Variants in SLC44A5 observed in about 807,000 individuals in gnomAD.
The protein encoded by SLC44A5 is choline transporter-like protein 5.
SLC44A5 carries 57 observed loss-of-function variants against 101.8 expected under a neutral mutation model. That is an observed-to-expected ratio of 0.56 (90% confidence interval 0.45 to 0.70). SLC44A5 has a LOEUF of 0.70. Among genes scored for constraint, SLC44A5 ranks in the 30% least tolerant of loss-of-function variants. SLC44A5 has a pLI of 0.00. For missense variants in SLC44A5, 737 were observed against 853.1 expected (o/e 0.86, Z 1.70); for synonymous variants, 281 against 290.9 (o/e 0.97, Z 0.35).
chr1:75,313,784 C>T (rs955528833), intron 4 of SLC44A5, among the ~76,000 whole-genome samples: 2 of 152,030 alleles, frequency 1.3e-5, no homozygotes, highest in African/African-American at 4.8e-5. Context: ...AGCAGTAGGG[C>T]TCCTGATGAA....
intron 17 of SLC44A5, 140 bp from the exon 18 acceptor site, chr1:75,218,100 G>A: frequency 1.6e-6 from 1 of 644,564 alleles, no homozygotes; most frequent in South Asian, 2.0e-5. Context: ...TATTTAGATT[G>A]ATAAAAGTCT....
At chr1:75,659,468 G>A in the SLC44A5 span, among the ~76,000 whole-genome samples, 2 of 59,718 alleles carry the variant, frequency 3.3e-5, no homozygotes, top group Non-Finnish European at 7.3e-5. Context: ...AAGGAAGGAA[G>A]GAAGGAAGGA....
At chr1:75,482,761 T>C (rs1667944781) in intron 2 of SLC44A5, among the ~76,000 whole-genome samples, 1 of 152,192 alleles carries the variant, frequency 6.6e-6, no homozygotes, top group Non-Finnish European at 1.5e-5. Context: ...GCAAAGCCTC[T>C]GTCCTTAAGA....
intron 4 of SLC44A5, among the ~76,000 whole-genome samples, chr1:75,306,602 G>C (rs1570630496): frequency 6.6e-6 from 1 of 151,864 alleles, no homozygotes; most frequent in African/African-American, 2.4e-5. Context: ...GGTAATAAGA[G>C]AGTTTTGTTT....
chr1:75,531,982 A>G (rs1670746707), intron 2 of SLC44A5, among the ~76,000 whole-genome samples: 1 of 152,190 alleles, frequency 6.6e-6, no homozygotes, highest in African/African-American at 2.4e-5. Flanking sequence ...TAATTCCCAA[A>G]GTGTGTTGCC....
chr1:75,362,045 T>C (rs1386178358), intron 3 of SLC44A5, among the ~76,000 whole-genome samples: 1 of 152,072 alleles, frequency 6.6e-6, no homozygotes, highest in Non-Finnish European at 1.5e-5. Context: ...TGGTAGATTG[T>C]ATGTGTCTAG....
chr1:75,385,767 T>A (rs566031406), intron 3 of SLC44A5, among the ~76,000 whole-genome samples: 279 of 152,188 alleles, frequency 1.8e-3, no homozygotes, highest in African/African-American at 6.0e-3. Context: ...AAAGAGAATT[T>A]TAGACCAATA....
the SLC44A5 span, among the ~76,000 whole-genome samples, chr1:75,645,247 T>G: frequency 1.3e-5 from 2 of 152,162 alleles, no homozygotes; most frequent in Admixed American, 6.5e-5. Flanking sequence ...CCACCAACAG[T>G]GTAAAAGTGT....
intron 9 of SLC44A5, among the ~76,000 whole-genome samples, chr1:75,241,152 T>A (rs909158825): frequency 1.3e-5 from 2 of 152,040 alleles, no homozygotes; most frequent in Non-Finnish European, 2.9e-5. Flanking sequence ...GACATTTTAA[T>A]GTAAAGCTTT....
In SLC44A5 at chr1:75,219,298, C is replaced by G. The variant is rs1339116475; in HGVS notation, c.1225G>C (p.Gly409Arg). The stretch of plus-strand genomic sequence containing the variant: ...TGATTTTCATGTATACAATGCCCCC[C>G]TGGAGCTATGACTTTGTATACAGGT... ...GVPVYKVIAPGGHCIHENQTC... is the reference protein window; with the variant it reads ...GVPVYKVIAPRGHCIHENQTC... Residue 409 changes from glycine to arginine, a missense_variant, in exon 16 of 24, where the codon GGG becomes CGG. Coordinates refer to ENST00000370859, the MANE Select transcript of SLC44A5 (RefSeq NM_001130058.2). The G allele has an allele frequency of 6.2e-7, 1 of 1,613,476 alleles. No homozygotes were observed. Among genetic ancestry groups the G allele is most frequent in the Admixed American group, 1.7e-5 (1 of 60,000 alleles).
At chr1:75,352,431 GTTTT>G (rs1411791240) in intron 3 of SLC44A5, among the ~76,000 whole-genome samples, 1 of 151,120 alleles carries the variant, frequency 6.6e-6, no homozygotes, top group African/African-American at 2.4e-5. Flanking sequence ...GAGAACTTCT[GTTTT>G]TTGTTTTTTT....
intron 2 of SLC44A5, among the ~76,000 whole-genome samples, chr1:75,458,396 T>C (rs181098347): frequency 5.3e-4 from 81 of 152,260 alleles, no homozygotes; most frequent in African/African-American, 1.9e-3. Flanking sequence ...ATCCTACAGA[T>C]AATATAGAAT....
At chr1:75,723,922 T>G in the SLC44A5 span, 1 of 152,146 alleles carries the variant, frequency 6.6e-6, no homozygotes, top group Non-Finnish European at 1.5e-5. Context: ...TAAGTTAGTA[T>G]AAGATTTAGT....
At chr1:75,704,479 T>C in the SLC44A5 span, among the ~76,000 whole-genome samples, 1 of 152,184 alleles carries the variant, frequency 6.6e-6, no homozygotes, top group Non-Finnish European at 1.5e-5. Context: ...GATTCTTATG[T>C]TCTGGTTAGT....
At chr1:75,215,630 C>A (rs1278979146) in intron 19 of SLC44A5, 124 bp downstream of exon 19, 10 of 606,568 alleles carry the variant, frequency 1.6e-5, no homozygotes, top group African/African-American at 1.5e-4. Flanking sequence ...GATTCACAGG[C>A]CTTATATCAG....
In SLC44A5 at chr1:75,394,407, G is replaced by A. The variant is rs974226967; in HGVS notation, c.52+2176C>T. On this transcript the variant is annotated intron_variant, in intron 3 of 23. Transcript: ENST00000370859. ...ATAAACAATTCTTTTGAGTTTTAGC[G>A]TGATGAAAGGGTTAATTGATCATTT... Among the ~76,000 whole-genome samples, 9 of 152,258 alleles carry A rather than the reference G, an allele frequency of 5.9e-5. No individual in the cohort carries two copies. In the East Asian group the frequency reaches 7.7e-4, roughly 13 times the overall value.
In SLC44A5 at chr1:75,290,145, G is replaced by A. The variant is rs144875390; in HGVS notation, c.175+10467C>T. Reference sequence around the variant, plus strand: ...TGACCTGGCTTCTAACAATGTGTACGCAACAAATTTATCAGCATAGATGAC... The same window carrying A: ...TGACCTGGCTTCTAACAATGTGTACACAACAAATTTATCAGCATAGATGAC... On this transcript the variant is annotated intron_variant, in intron 5 of 23. Transcript: ENST00000370859. Among the ~76,000 whole-genome samples the A allele has an allele frequency of 4.7e-3, 713 of 152,226 alleles. 2 individuals carry two copies. The highest frequency in any genetic ancestry group is 7.5e-3 in the Non-Finnish European group (509 of 68,002).
At chr1:75,643,639 T>C in the SLC44A5 span, among the ~76,000 whole-genome samples, 5 of 152,200 alleles carry the variant, frequency 3.3e-5, no homozygotes, top group Admixed American at 6.6e-5. Context: ...GTTTTTCCCA[T>C]GCTGTTCTCA....
intron 2 of SLC44A5, among the ~76,000 whole-genome samples, chr1:75,473,651 AC>A (rs1336720023): frequency 6.6e-6 from 1 of 152,172 alleles, no homozygotes; most frequent in East Asian, 1.9e-4. Context: ...TTTACAGATG[AC>A]TTTCCCTATT....
Sources: gnomAD v4.1 joint callset for allele counts (sites outside exome capture counted in the v4.1 genomes callset) on GRCh38, gnomAD v4.1.1 for gene constraint, MANE v1.5 for transcripts, NCBI Gene and HGNC (gene_info 2026-07-23, HGNC 2026-07-21) for gene names.